The following ANAPC16 variants were observed in gnomAD, a reference collection of about 807,000 sequenced individuals.
ANAPC16 encodes the protein anaphase-promoting complex subunit 16.
Under a neutral mutation model 13.1 loss-of-function variants are expected in ANAPC16, and 6 were observed. That is an observed-to-expected ratio of 0.46 (90% confidence interval 0.25 to 0.90). The LOEUF (loss-of-function observed/expected upper bound fraction) is 0.90, where lower values mean the gene tolerates loss of function less well. Ranked by LOEUF, ANAPC16 falls within the 40% of genes least tolerant of loss-of-function variation. ANAPC16 has a pLI of 0.18. For missense variants in ANAPC16, 113 were observed against 131.1 expected, an observed-to-expected ratio of 0.86 and a Z score of 0.67; for synonymous variants, 55 against 51.3, an observed-to-expected ratio of 1.07 and a Z score of -0.31.
intron 1 of ANAPC16, among the ~76,000 whole-genome samples, chr10:72,219,310 T>G (rs2133654620): frequency 6.6e-6 from 1 of 152,344 alleles, no homozygotes. Context: ...TGTCAGGCTG[T>G]ATTTTGACCC....
At chr10:72,232,617 T>C (rs1158874773) in intron 3 of ANAPC16, among the ~76,000 whole-genome samples, 1 of 150,942 alleles carries the variant, frequency 6.6e-6, no homozygotes, top group African/African-American at 2.4e-5. Context: ...GAAATTTTTT[T>C]TTTTTGAGAC....
chr10:72,222,143 G>A (rs984552018), intron 1 of ANAPC16, among the ~76,000 whole-genome samples: 2 of 151,412 alleles, frequency 1.3e-5, no homozygotes, highest in Admixed American at 1.3e-4. Flanking sequence ...AGACTGGCCG[G>A]GCATGATGGC....
intron 1 of ANAPC16, among the ~76,000 whole-genome samples, chr10:72,221,270 ACCATTTG>A (rs1367546989): frequency 1.3e-5 from 2 of 152,128 alleles, no homozygotes; most frequent in East Asian, 3.8e-4. Flanking sequence ...CATAAAATTA[ACCATTTG>A]CCATTTTAAA....
intron 3 of ANAPC16, 29 bp downstream of exon 3, chr10:72,230,469 T>C (rs754808291): frequency 1.9e-6 from 3 of 1,597,058 alleles, no homozygotes; most frequent in Non-Finnish European, 2.6e-6. Flanking sequence ...CGTACTTGAC[T>C]GTGAGAATAA....
At chr10:72,231,804 C>T (rs781086259) in intron 3 of ANAPC16, among the ~76,000 whole-genome samples, 1 of 151,990 alleles carries the variant, frequency 6.6e-6, no homozygotes, top group Non-Finnish European at 1.5e-5. Context: ...ATCCGCCTGC[C>T]TTGGCATCCC....
chr10:72,217,412 T>C (rs183517156), intron 1 of ANAPC16, among the ~76,000 whole-genome samples: 1 of 151,346 alleles, frequency 6.6e-6, no homozygotes, highest in Admixed American at 6.6e-5. Context: ...GAGGCAGAGC[T>C]TGCAGTGAGC....
At chr10:72,232,342 C>G (rs183510891) in intron 3 of ANAPC16, among the ~76,000 whole-genome samples, 26 of 151,482 alleles carry the variant, frequency 1.7e-4, no homozygotes, top group African/African-American at 5.8e-4. Flanking sequence ...GTCAGGAGTT[C>G]GAGACTAGCC....
At chr10:72,219,925 A>C (rs1859838176) in intron 1 of ANAPC16, 1 of 152,232 alleles carries the variant, frequency 6.6e-6, no homozygotes, top group Non-Finnish European at 1.5e-5. Flanking sequence ...AAAATTAAGC[A>C]AACAGAACAG....
At chr10:72,218,157 AAAAAAAAAATAT>A (rs1859666480) in intron 1 of ANAPC16, among the ~76,000 whole-genome samples, 4 of 50,280 alleles carry the variant, frequency 8.0e-5, no homozygotes, top group South Asian at 1.5e-3. Flanking sequence ...AAAAAAAAAA[AAAAAAAAAATAT>A]ATATATATAT....
intron 1 of ANAPC16, among the ~76,000 whole-genome samples, chr10:72,222,614 T>G (rs1017367408): frequency 6.6e-6 from 1 of 151,422 alleles, no homozygotes; most frequent in East Asian, 1.9e-4. Flanking sequence ...CCGTGCCTAC[T>G]AAAAATACAA....
At chr10:72,224,936 G>C (rs979204622) in intron 2 of ANAPC16, among the ~76,000 whole-genome samples, 1 of 152,138 alleles carries the variant, frequency 6.6e-6, no homozygotes, top group African/African-American at 2.4e-5. Context: ...GGCTGGCCAA[G>C]ATCAGGGTAC....
At chr10:72,227,244 A>C (rs896879653) in intron 2 of ANAPC16, among the ~76,000 whole-genome samples, 1 of 152,240 alleles carries the variant, frequency 6.6e-6, no homozygotes, top group Non-Finnish European at 1.5e-5. Flanking sequence ...GTCAGTATAC[A>C]TCAAATTATG....
At position 72,216,078 on chromosome 10, in the gene ANAPC16, C is replaced by G. The variant is rs1314277082; in HGVS notation, c.-88C>G. The G allele has an allele frequency of 6.6e-6, 1 of 152,322 alleles. No homozygotes were observed. The highest frequency in any genetic ancestry group is 6.5e-5 in the Admixed American group (1 of 15,282). The allele number at this position is 152,322 out of a possible 1,614,324, so 9.4% of individuals were successfully genotyped here. ...ACGCCGCGGTCCTCGTCGTGGTGAG[C>G]GCAGCCACTCAGGCTGGTCCTGGGG... On this transcript the variant is annotated 5_prime_UTR_variant, in exon 1 of 4. Transcript: ENST00000299381.
intron 1 of ANAPC16, among the ~76,000 whole-genome samples, chr10:72,221,128 C>G (rs1859915496): frequency 6.6e-6 from 1 of 152,138 alleles, no homozygotes; most frequent in Admixed American, 6.6e-5. Context: ...GTTTACCAGG[C>G]TAGTCTTGAA....
intron 1 of ANAPC16, chr10:72,216,950 G>A (rs1013634699): frequency 1.5e-5 from 7 of 455,992 alleles, no homozygotes; most frequent in Non-Finnish European, 3.1e-5. Context: ...CAATGAGAAA[G>A]AAAAAAATCC....
At position 72,233,241 on chromosome 10, in the gene ANAPC16, T is replaced by G. The variant is rs558551026; in HGVS notation, c.*125T>G. ...CTGAATTGTTAATGCACATTTGTAC[T>G]TGGTTTCTCTGTATCTATTCACAGG... On this transcript the variant is annotated 3_prime_UTR_variant, in exon 4 of 4. Coordinates refer to ENST00000299381, the MANE Select transcript of ANAPC16 (RefSeq NM_173473.4). The G allele has an allele frequency of 1.5e-6, 1 of 666,198 alleles. No homozygotes were observed. The highest frequency in any genetic ancestry group is 1.8e-5 in the South Asian group (1 of 54,964). The allele number at this position is 666,198 out of a possible 1,614,324, so 41.3% of individuals were successfully genotyped here.
At chr10:72,228,998 C>G (rs1291142442) in intron 2 of ANAPC16, among the ~76,000 whole-genome samples, 1 of 152,124 alleles carries the variant, frequency 6.6e-6, no homozygotes, top group East Asian at 1.9e-4. Flanking sequence ...AGTTCAGGAT[C>G]AAACCATCTG....
intron 2 of ANAPC16, among the ~76,000 whole-genome samples, chr10:72,228,018 G>A (rs1378998903): frequency 1.3e-5 from 2 of 148,690 alleles, no homozygotes; most frequent in Non-Finnish European, 1.5e-5. Flanking sequence ...GCGACAGAGC[G>A]AGACTTGGTT....
chr10:72,222,561 G>C (rs1193946747), intron 1 of ANAPC16, among the ~76,000 whole-genome samples: 1 of 151,624 alleles, frequency 6.6e-6, no homozygotes, highest in Non-Finnish European at 1.5e-5. Context: ...CAAATCACCT[G>C]AGGTCAGGAG....
Sources: allele counts gnomAD v4.1 joint callset (sites outside exome capture counted in the v4.1 genomes callset), GRCh38; gene constraint gnomAD v4.1.1; transcripts MANE v1.5; gene names NCBI Gene and HGNC (gene_info 2026-07-23, HGNC 2026-07-21).